GRIK5: variants seen among roughly 807,000 people sequenced by gnomAD.
GRIK5 encodes the protein glutamate ionotropic receptor kainate type subunit 5.
In GRIK5, 43 loss-of-function variants were observed where a neutral mutation model predicts 97.4. That is an observed-to-expected ratio of 0.44 (90% CI 0.35 to 0.57). The LOEUF (loss-of-function observed/expected upper bound fraction) is 0.57. Ranked by LOEUF, GRIK5 falls within the 20% of genes least tolerant of loss-of-function variation. The probability of loss-of-function intolerance (pLI) is 0.01; values close to 1 mark genes in which losing one functional copy is unlikely to be tolerated. For synonymous variants in GRIK5, 580 were observed against 583.5 expected (o/e 0.99, Z 0.09); for missense variants, 1,015 against 1,382.0 (o/e 0.73, Z 4.21).
intron 11 of GRIK5, among the ~76,000 whole-genome samples, chr19:42,052,562 T>C (rs2076130803): frequency 6.6e-6 from 1 of 152,164 alleles, no homozygotes; most frequent in Non-Finnish European, 1.5e-5. Context: ...CCCTCTAACA[T>C]CCTGCAAAAC....
rs1486265371 is a variant in GRIK5, at chr19:41,999,645, C to T, written c.2515-346G>A. ...TCCCATCTTCTGCCCCTCATCCATG[C>T]GTTCATTATTGCAAGGCATATTTAC... is the stretch of plus-strand genomic sequence containing the variant. On this transcript the variant is annotated intron_variant, in intron 19 of 19. Transcript: ENST00000593562. This position sits in a 1 kb window ranked among gnomAD's most constrained non-coding sequence, Gnocchi z 5.0. Among the ~76,000 whole-genome samples the T allele has an allele frequency of 2.0e-5, 3 of 152,152 alleles. No homozygotes were observed. Among genetic ancestry groups the T allele is most frequent in the African/African-American group, 7.2e-5 (3 of 41,414 alleles).
At chr19:42,050,916 G>A (rs562140527) in intron 11 of GRIK5, among the ~76,000 whole-genome samples, 10 of 152,054 alleles carry the variant, frequency 6.6e-5, no homozygotes, top group Non-Finnish European at 1.2e-4. Context: ...ACGTACCTTG[G>A]GCACTGCAAG....
chr19:42,053,745 T>TGAGGTCATGGCAGCCTCTGGGCCC, intron 10 of GRIK5, 36 bp from the exon 11 acceptor site: 1 of 1,531,302 alleles, frequency 6.5e-7, no homozygotes, highest in Non-Finnish European at 9.1e-7. Flanking sequence ...GCTCAGGCCC[T>TGAGGTCATGGCAGCCTCTGGGCCC]GCCTGAGGTC....
At position 42,046,072 on chromosome 19, in the gene GRIK5, T is replaced by C. The variant is rs1219466015; in HGVS notation, c.1270-3317A>G. On this transcript the variant is annotated intron_variant, in intron 11 of 19. Transcript: ENST00000593562. Reference sequence around the variant, plus strand: ...TACAGCCCCCTTGACATATAGAGGATAGAACCAAGGCTCAGAGAGGTAAAG... The same window carrying C: ...TACAGCCCCCTTGACATATAGAGGACAGAACCAAGGCTCAGAGAGGTAAAG... 1.3e-4 allele frequency among the ~76,000 whole-genome samples: 20 copies of C among 152,018 alleles called. 1 individual carries two copies.
chr19:42,042,653 GCAGCTCGGC>G lies in GRIK5; in HGVS notation c.1363_1371del (p.Ala455_Leu457del). Reference sequence around the variant, plus strand: ...AACCGCAGGCGGTAGCGGAAGCGCAGCAGCTCGGCCAGCTCCCGCAGCATGTCCACGCAG... The same window carrying G: ...AACCGCAGGCGGTAGCGGAAGCGCAGCAGCTCCCGCAGCATGTCCACGCAG... On this transcript the variant is annotated inframe_deletion, in exon 12 of 20. Transcript: ENST00000593562. This position sits in a 1 kb window ranked among gnomAD's most constrained non-coding sequence, Gnocchi z 6.9. 1 of 1,613,448 alleles carries G rather than the reference GCAGCTCGGC, an allele frequency of 6.2e-7. No individual in the cohort carries two copies. The highest frequency in any genetic ancestry group is 8.5e-7 in the Non-Finnish European group (1 of 1,179,948).
rs2075406918 is a variant in GRIK5 at position 41,999,369 on chromosome 19, T to C, written c.2515-70A>G. 3 of 1,119,712 alleles carry C rather than the reference T, an allele frequency of 2.7e-6. No individual in the cohort carries two copies. The highest frequency in any genetic ancestry group is 3.7e-6 in the Non-Finnish European group (3 of 816,912). The allele number at this position is 1,119,712 out of a possible 1,614,324, so 69.4% of individuals were successfully genotyped here. On this transcript the variant is annotated intron_variant, in intron 19 of 19. Coordinates refer to ENST00000593562, the MANE Select transcript of GRIK5 (RefSeq NM_002088.5). This position sits in a 1 kb window ranked among gnomAD's most constrained non-coding sequence, Gnocchi z 5.0. ...CCGCCTCCCCCAGCCCCTCTCCACA[T>C]CCCACTCCTCCTCCTCCTTTCCTCG...
At chr19:42,058,273 C>T (rs535179984) in intron 6 of GRIK5, among the ~76,000 whole-genome samples, 7 of 151,920 alleles carry the variant, frequency 4.6e-5, no homozygotes, top group Admixed American at 2.0e-4. Flanking sequence ...CTCCACCTCC[C>T]GGGTTCAAGT....
chr19:42,017,853 T>C (rs2075644000), intron 15 of GRIK5, among the ~76,000 whole-genome samples: 1 of 151,802 alleles, frequency 6.6e-6, no homozygotes, highest in African/African-American at 2.4e-5. Flanking sequence ...TAGGGAAAAG[T>C]TGAGGACAAT....
intron 15 of GRIK5, among the ~76,000 whole-genome samples, chr19:42,019,189 C>T (rs1349047435): frequency 6.6e-6 from 1 of 152,146 alleles, no homozygotes; most frequent in African/African-American, 2.4e-5. Flanking sequence ...CCCCAACCCT[C>T]CTGTGAGGAC....
Position 42,003,775 on chromosome 19 carries a change from CCCG to C in GRIK5, c.2264-95_2264-93del. ...AACTGTGCCCTCACCACGGCCTTCCCCCGCCTCTACCACGTGCCCAGGGTCTTC... is the reference window on the plus strand; with the variant it reads ...AACTGTGCCCTCACCACGGCCTTCCCCCTCTACCACGTGCCCAGGGTCTTC... On this transcript the variant is annotated intron_variant, in intron 17 of 19. Transcript: ENST00000593562. The surrounding 1 kb of genome is among the most constrained non-coding windows in gnomAD (Gnocchi z 4.2). 7.3e-7 allele frequency: 1 copy of C among 1,372,236 alleles called. No individual in the cohort carries two copies. The highest frequency in any genetic ancestry group is 1.5e-5 in the South Asian group (1 of 66,832). The allele number at this position is 1,372,236 out of a possible 1,614,324, so 85.0% of individuals were successfully genotyped here. A position where few individuals can be genotyped will look rare whatever the true frequency, so the allele number is the denominator to read the frequency against.
At chr19:42,050,657 CAA>C (rs1188154896) in intron 11 of GRIK5, among the ~76,000 whole-genome samples, 21 of 58,700 alleles carry the variant, frequency 3.6e-4, no homozygotes, top group Admixed American at 5.9e-4. Flanking sequence ...GACTCTGTCT[CAA>C]AAAAAAAAAA....
Position 42,048,596 on chromosome 19 carries a change from G to C in GRIK5, c.1269+5006C>G, listed in dbSNP as rs558263189. 5.9e-5 allele frequency among the ~76,000 whole-genome samples: 9 copies of C among 151,730 alleles called. 1 individual carries two copies. The highest frequency in any genetic ancestry group is 4.4e-5 in the Non-Finnish European group (3 of 67,970). On this transcript the variant is annotated intron_variant, in intron 11 of 19. Transcript: ENST00000593562. ...GATTGTGCCACTGCACTCCAGCCTG[G>C]GTGACAGAGCAAGATTCTGTCTCAA... is the stretch of plus-strand genomic sequence containing the variant.
At position 41,999,396 on chromosome 19, in the gene GRIK5, C is replaced by T; in HGVS notation, c.2515-97G>A. 1 of 935,380 alleles carries T rather than the reference C, an allele frequency of 1.1e-6. No homozygotes were observed. Among genetic ancestry groups the T allele is most frequent in the Non-Finnish European group, 1.5e-6 (1 of 655,776 alleles). The allele number at this position is 935,380 out of a possible 1,614,324, so 57.9% of individuals were successfully genotyped here. On this transcript the variant is annotated intron_variant, in intron 19 of 19. Coordinates refer to ENST00000593562, the MANE Select transcript of GRIK5 (RefSeq NM_002088.5). This position sits in a 1 kb window ranked among gnomAD's most constrained non-coding sequence, Gnocchi z 5.0. Reference sequence around the variant, plus strand: ...CCACTCCTCCTCCTCCTTTCCTCGCCCGGGTCTTTCTTCCTTCTGCCCTCG... The same window carrying T: ...CCACTCCTCCTCCTCCTTTCCTCGCTCGGGTCTTTCTTCCTTCTGCCCTCG...
Position 42,062,836 on chromosome 19 carries a change from T to G in GRIK5, c.264A>C (p.Lys88Asn). The G allele has an allele frequency of 6.2e-7, 1 of 1,613,552 alleles. No homozygotes were observed. Among genetic ancestry groups the G allele is most frequent in the Middle Eastern group, 1.6e-4 (1 of 6,062 alleles). ...TTDTMCQILP[K>N]GVVSVLGPSS... ...AGGGCCCAAGGACAGACACAACCCC[T>G]TTGGGTAAGATCTGACACACTGCGT... is the stretch of plus-strand genomic sequence containing the variant. The change falls in exon 4 of 20, where the codon AAA (lysine) becomes AAC (asparagine). Residue 88 changes from lysine (K) to asparagine (N), a missense_variant. This residue lies in a region of GRIK5 where 198 missense variants were observed against 218.2 expected (regional missense o/e 0.91). Coordinates refer to ENST00000593562, the MANE Select transcript of GRIK5 (RefSeq NM_002088.5). The surrounding 1 kb of genome is among the most constrained non-coding windows in gnomAD (Gnocchi z 5.3).
rs1168039763 is a variant in GRIK5 at position 42,006,564 on chromosome 19, A to T, written c.2037+81T>A. 8.1e-7 allele frequency: 1 copy of T among 1,239,902 alleles called. No individual in the cohort carries two copies. The highest frequency in any genetic ancestry group is 1.2e-6 in the Non-Finnish European group (1 of 857,622). 76.8% of individuals were successfully genotyped at this position (1,239,902 alleles called of 1,614,324 possible). ...TGACAATCAGTCCCTCTGACCCAGG[A>T]GACCCTGCCCAGACCCATCCTGAGC... On this transcript the variant is annotated intron_variant, in intron 16 of 19. Coordinates refer to ENST00000593562, the MANE Select transcript of GRIK5 (RefSeq NM_002088.5). This position sits in a 1 kb window ranked among gnomAD's most constrained non-coding sequence, Gnocchi z 5.3.
intron 12 of GRIK5, among the ~76,000 whole-genome samples, chr19:42,025,373 T>G (rs1248461391): frequency 6.6e-6 from 1 of 152,136 alleles, no homozygotes; most frequent in East Asian, 1.9e-4. Flanking sequence ...GCTGCCCTGG[T>G]CGCTCCATGG....
Position 42,068,858 on chromosome 19 carries a change from C to T in GRIK5, c.-51+383G>A, listed in dbSNP as rs1330369029. 4 of 682,992 alleles carry T rather than the reference C, an allele frequency of 5.9e-6. No individual in the cohort carries two copies. The Admixed American group carries it at 6.2e-5, about 11-fold the overall frequency. 42.3% of individuals were successfully genotyped at this position (682,992 alleles called of 1,614,324 possible). A position where few individuals can be genotyped will look rare whatever the true frequency, so the allele number is the denominator to read the frequency against. On this transcript the variant is annotated intron_variant, in intron 1 of 19. Transcript: ENST00000593562. Reference sequence around the variant, plus strand: ...GACGGGGTGGGGACAGGGCCAAGGCCCACCGCAGGCAGAGGATGAGGCTCA... The same window carrying T: ...GACGGGGTGGGGACAGGGCCAAGGCTCACCGCAGGCAGAGGATGAGGCTCA...
intron 12 of GRIK5, among the ~76,000 whole-genome samples, chr19:42,029,695 T>G (rs567242457): frequency 6.6e-6 from 1 of 152,180 alleles, no homozygotes; most frequent in Non-Finnish European, 1.5e-5. Context: ...TCTCCCGATC[T>G]GCTGGTTACA....
chr19:42,056,805 G>C lies in GRIK5; in HGVS notation c.760C>G (p.Leu254Val). ...GAGGAGTCCTCCACAATACCGTCCA[G>C]ATGCAGGATGGGGAAGTCCTGGGAC... ...LTTMDFPILH[L>V]DGIVEDSSNI... is the part of the protein sequence containing the mutation. The change falls in exon 8 of 20, where the codon CTG becomes GTG. Residue 254 changes from leucine (L) to valine (V), a missense_variant. Around this residue, in one of 5 missense-constraint regions of GRIK5, gnomAD observed 477 missense variants for 701.1 expected, o/e 0.68. Transcript: ENST00000593562. The C allele has an allele frequency of 6.2e-7, 1 of 1,614,166 alleles. No homozygotes were observed. Among genetic ancestry groups the C allele is most frequent in the East Asian group, 2.2e-5 (1 of 44,886 alleles).
Sources: gnomAD v4.1 joint callset for allele counts (sites outside exome capture counted in the v4.1 genomes callset) on GRCh38, gnomAD v4.1.1 for gene constraint, gnomAD v4.1.1 regional missense constraint, Gnocchi (gnomAD v3.1) non-coding constraint, MANE v1.5 for transcripts, NCBI Gene and HGNC (gene_info 2026-07-23, HGNC 2026-07-21) for gene names.